Variants in PARP8 observed in about 807,000 individuals in gnomAD.
The protein encoded by PARP8 is poly(ADP-ribose) polymerase family member 8, also known as protein mono-ADP-ribosyltransferase PARP8.
Under a neutral mutation model 124.1 loss-of-function variants are expected in PARP8, and 51 were observed. The ratio of observed to expected loss-of-function variants is 0.41; its 90% CI spans 0.33 to 0.52. The LOEUF is 0.52. Ranked by LOEUF, PARP8 falls within the 20% of genes least tolerant of loss-of-function variation. The probability of loss-of-function intolerance (pLI) is 0.21; values close to 1 mark genes in which losing one functional copy is unlikely to be tolerated. For synonymous variants in PARP8, 391 were observed against 361.5 expected (o/e 1.08, Z -0.93); for missense variants, 860 against 1,018.9 (o/e 0.84, Z 2.12).
chr5:50,819,427 C>CTTTT (rs34347134), intron 15 of PARP8, among the ~76,000 whole-genome samples: 1,130 of 46,728 alleles, frequency 0.024, 70 homozygotes, highest in African/African-American at 0.032. Context: ...ATTTTATCTT[C>CTTTT]TTTTTTTTTT....
At chr5:50,767,453 C>T (rs530176055) in intron 7 of PARP8, among the ~76,000 whole-genome samples, 2 of 152,258 alleles carry the variant, frequency 1.3e-5, no homozygotes, top group East Asian at 3.9e-4. Context: ...TTTTCCCAAA[C>T]CACGGGGACA....
chr5:50,674,788 G>GT (rs914011945), intron 2 of PARP8, among the ~76,000 whole-genome samples: 5 of 152,298 alleles, frequency 3.3e-5, no homozygotes, highest in African/African-American at 9.6e-5. Context: ...CAAGATCATG[G>GT]TTTTTATCAC....
chr5:50,666,785 A>G lies in PARP8; in HGVS notation c.-311A>G. On this transcript the variant is annotated 5_prime_UTR_variant, in exon 1 of 26. Transcript: ENST00000281631. ...CCACGGCCGTTGGTCCGGGCGGGTG[A>G]GGGAGAAAGTGAGACTTGGTGTCAT... The G allele has an allele frequency of 1.0e-6, 1 of 960,134 alleles. No homozygotes were observed. The highest frequency in any genetic ancestry group is 1.3e-6 in the Non-Finnish European group (1 of 757,306). The allele number at this position is 960,134 out of a possible 1,614,324, so 59.5% of individuals were successfully genotyped here.
At chr5:50,789,422 C>T (rs1741693069) in intron 10 of PARP8, among the ~76,000 whole-genome samples, 1 of 152,036 alleles carries the variant, frequency 6.6e-6, no homozygotes, top group Admixed American at 6.6e-5. Flanking sequence ...AACTTTGGGA[C>T]CCACTGGCCT....
In PARP8 at chr5:50,714,012, T is replaced by G. The variant is rs543450250; in HGVS notation, c.147-36139T>G. Among the ~76,000 whole-genome samples, 3 of 152,202 alleles carry G rather than the reference T, an allele frequency of 2.0e-5. No homozygotes were observed. The South Asian group carries it at 6.2e-4, about 32-fold the overall frequency. ...AACCCATTTAATTGGAATTCTGACC[T>G]ACCAGATCTGTAAGATGATACATTT... is the stretch of plus-strand genomic sequence containing the variant. On this transcript the variant is annotated intron_variant, in intron 2 of 25. Coordinates refer to ENST00000281631, the MANE Select transcript of PARP8 (RefSeq NM_024615.4).
At chr5:50,760,394 A>G (rs750917236) in intron 5 of PARP8, 32 bp downstream of exon 5, 1 of 1,427,794 alleles carries the variant, frequency 7.0e-7, no homozygotes, top group South Asian at 1.3e-5. Context: ...TTTTCTTGAA[A>G]CAGTATAGAT....
intron 2 of PARP8, among the ~76,000 whole-genome samples, chr5:50,706,455 C>G (rs1310265227): frequency 6.6e-6 from 1 of 151,920 alleles, no homozygotes; most frequent in Non-Finnish European, 1.5e-5. Flanking sequence ...TAGCTGGAGC[C>G]TTTTGATGGT....
intron 22 of PARP8, among the ~76,000 whole-genome samples, chr5:50,831,089 A>G (rs1445933841): frequency 5.3e-5 from 8 of 152,236 alleles, no homozygotes; most frequent in Admixed American, 2.0e-4. Flanking sequence ...AAATACTAAA[A>G]GAAATCAGCA....
Position 50,844,853 on chromosome 5 carries a change from A to G in PARP8, c.*2785A>G, listed in dbSNP as rs1748498793. ...TGAACATTTGAGAATGGAAAAAAGT[A>G]ATAATATACAAATAATCTAGTGCTA... On this transcript the variant is annotated 3_prime_UTR_variant, in exon 26 of 26. Transcript: ENST00000281631. 6.6e-6 allele frequency: 1 copy of G among 151,754 alleles called. No individual in the cohort carries two copies. Among genetic ancestry groups the G allele is most frequent in the Non-Finnish European group, 1.5e-5 (1 of 67,768 alleles). 9.4% of individuals were successfully genotyped at this position (151,754 alleles called of 1,614,324 possible).
chr5:50,698,413 G>T (rs987968716), intron 2 of PARP8, among the ~76,000 whole-genome samples: 4 of 152,082 alleles, frequency 2.6e-5, no homozygotes, highest in African/African-American at 9.7e-5. Flanking sequence ...GAAATACTTA[G>T]GAATGAATTT....
chr5:50,788,675 C>G, intron 10 of PARP8, 86 bp downstream of exon 10: 1 of 1,027,986 alleles, frequency 9.7e-7, no homozygotes, highest in East Asian at 2.8e-5. Context: ...AAACAAAAAC[C>G]TATTCAGTAA....
chr5:50,747,154 G>GTTTTTTTTTTTTTTTT (rs370243477), intron 2 of PARP8, among the ~76,000 whole-genome samples: 21 of 121,908 alleles, frequency 1.7e-4, no homozygotes, highest in African/African-American at 4.6e-4. Flanking sequence ...TTTTTTGTTT[G>GTTTTTTTTTTTTTTTT]TTTGTTTTGT....
chr5:50,678,287 A>T (rs1750866654), intron 2 of PARP8, among the ~76,000 whole-genome samples: 1 of 152,192 alleles, frequency 6.6e-6, no homozygotes, highest in African/African-American at 2.4e-5. Context: ...AATTGATGTT[A>T]TATTTCTGTG....
chr5:50,812,643 G>T (rs528841957), intron 14 of PARP8, among the ~76,000 whole-genome samples: 1 of 152,026 alleles, frequency 6.6e-6, no homozygotes, highest in Non-Finnish European at 1.5e-5. Flanking sequence ...ATTGCTTTTG[G>T]TGTTTTAGAC....
At chr5:50,711,237 A>G (rs1283410558) in intron 2 of PARP8, among the ~76,000 whole-genome samples, 1 of 152,186 alleles carries the variant, frequency 6.6e-6, no homozygotes, top group Non-Finnish European at 1.5e-5. Context: ...ATTGTCTATC[A>G]GCCATTCATT....
chr5:50,669,478 C>T (rs1316833593), intron 2 of PARP8: 1 of 152,130 alleles, frequency 6.6e-6, no homozygotes, highest in African/African-American at 2.4e-5. Flanking sequence ...GACATGTGGA[C>T]AGGAAGGACA....
intron 2 of PARP8, among the ~76,000 whole-genome samples, chr5:50,703,847 G>T (rs968883261): frequency 6.6e-6 from 1 of 151,776 alleles, no homozygotes; most frequent in African/African-American, 2.4e-5. Flanking sequence ...GGAGGTCGAG[G>T]CTGCAGTGAT....
intron 15 of PARP8, 104 bp from the exon 16 acceptor site, chr5:50,821,109 C>A: frequency 7.4e-7 from 1 of 1,350,106 alleles, no homozygotes; most frequent in Admixed American, 1.8e-5. Context: ...TGGTAGCAGT[C>A]CTGATCTTCC....
intron 2 of PARP8, among the ~76,000 whole-genome samples, chr5:50,700,899 A>G (rs1753526031): frequency 6.6e-6 from 1 of 152,140 alleles, no homozygotes; most frequent in South Asian, 2.1e-4. Context: ...TACTTGAAGT[A>G]GTTAATAGAT....
Sources: allele counts gnomAD v4.1 joint callset (sites outside exome capture counted in the v4.1 genomes callset), GRCh38; gene constraint gnomAD v4.1.1; transcripts MANE v1.5; gene names NCBI Gene and HGNC (gene_info 2026-07-23, HGNC 2026-07-21).